CSMD1: variants seen among roughly 807,000 people sequenced by gnomAD.
CSMD1 encodes CUB and Sushi multiple domains 1.
In CSMD1, 213 loss-of-function variants were observed where a neutral mutation model predicts 417.5. The observed-to-expected ratio is 0.51, with a 90% CI of 0.46 to 0.57. The LOEUF is 0.57. Ranked by LOEUF, CSMD1 falls within the 20% of genes least tolerant of loss-of-function variation. CSMD1 has a pLI of 0.00. For missense variants in CSMD1, 6,923 were observed against 4,529.7 expected (o/e 1.53, Z -15.17); for synonymous variants, 2,862 against 1,736.8 (o/e 1.65, Z -16.11).
chr8:4,438,323 C>A (rs1235354247), intron 2 of CSMD1, among the ~76,000 whole-genome samples: 1 of 152,146 alleles, frequency 6.6e-6, no homozygotes, highest in Non-Finnish European at 1.5e-5. Flanking sequence ...GAAGCAGCAC[C>A]AAATCTCCAG....
chr8:4,382,685 A>G (rs1261858194), intron 3 of CSMD1, among the ~76,000 whole-genome samples: 1 of 152,178 alleles, frequency 6.6e-6, no homozygotes, highest in Non-Finnish European at 1.5e-5. Flanking sequence ...AATAATGTAA[A>G]TTAAGATACA....
At chr8:4,286,545 G>T (rs1455082764) in intron 3 of CSMD1, among the ~76,000 whole-genome samples, 1 of 152,042 alleles carries the variant, frequency 6.6e-6, no homozygotes, top group Non-Finnish European at 1.5e-5. Context: ...TCATCATTAA[G>T]AACATGGGCA....
intron 41 of CSMD1, chr8:3,127,950 A>AAGAGGGAGGGAG: frequency 1.6e-5 from 2 of 121,614 alleles, no homozygotes; most frequent in Non-Finnish European, 3.4e-5. Context: ...GAAAGAAGGA[A>AAGAGGGAGGGAG]GGAAGGAAAG....
At chr8:4,127,473 A>G (rs1344735073) in intron 3 of CSMD1, among the ~76,000 whole-genome samples, 3 of 149,336 alleles carry the variant, frequency 2.0e-5, no homozygotes, top group East Asian at 2.0e-4. Context: ...AAAAAAAAAA[A>G]AAAAAAGAAA....
chr8:4,419,844 C>T (rs1263366277), intron 3 of CSMD1, 109 bp downstream of exon 3: 8 of 743,528 alleles, frequency 1.1e-5, no homozygotes, highest in Non-Finnish European at 1.8e-5. Context: ...GTCTACACCA[C>T]GGAACGACCT....
intron 6 of CSMD1, among the ~76,000 whole-genome samples, chr8:3,735,996 A>G (rs1052896086): frequency 5.1e-4 from 77 of 152,262 alleles, no homozygotes; most frequent in African/African-American, 1.8e-3. Flanking sequence ...TTCAGTGGGA[A>G]TAAGTGCGGT....
chr8:3,510,199 G>A (rs574644909), intron 10 of CSMD1, among the ~76,000 whole-genome samples: 1 of 149,650 alleles, frequency 6.7e-6, no homozygotes, highest in Non-Finnish European at 1.5e-5. Flanking sequence ...TGTACTGTGG[G>A]GCTGGACATC....
chr8:4,139,985 T>C (rs1803683879), intron 3 of CSMD1, among the ~76,000 whole-genome samples: 1 of 150,422 alleles, frequency 6.6e-6, no homozygotes, highest in African/African-American at 2.5e-5. Context: ...TGGGCAGGGG[T>C]TGCAGGTAGG....
chr8:4,893,651 C>T lies in CSMD1; in HGVS notation c.85+100681G>A, dbSNP rs115254295. ...TTTGCCAATACATTTTATGAGAAGC[C>T]GAACTTCTTTTTCCTAACTGGTTCA... On this transcript the variant is annotated intron_variant, in intron 1 of 69. Coordinates refer to ENST00000635120, the MANE Select transcript of CSMD1 (RefSeq NM_033225.6). Among the ~76,000 whole-genome samples, 283 of 152,070 alleles carry T rather than the reference C, an allele frequency of 1.9e-3. 3 individuals carry two copies. Among genetic ancestry groups the T allele is most frequent in the African/African-American group, 6.6e-3 (274 of 41,436 alleles).
At chr8:3,748,456 G>C (rs759455547) in intron 6 of CSMD1, among the ~76,000 whole-genome samples, 4 of 152,168 alleles carry the variant, frequency 2.6e-5, no homozygotes, top group East Asian at 3.9e-4. Flanking sequence ...CAGAGCAGTG[G>C]TCCGTGGAAC....
chr8:4,787,322 A>G lies in CSMD1; in HGVS notation c.86-149764T>C, dbSNP rs1046115879. 8.3e-6 allele frequency: 6 copies of G among 722,114 alleles called. No individual in the cohort carries two copies. In the African/African-American group the frequency reaches 8.8e-5, roughly 11 times the overall value. The allele number at this position is 722,114 out of a possible 1,614,324, so 44.7% of individuals were successfully genotyped here. A position where few individuals can be genotyped will look rare whatever the true frequency, so the allele number is the denominator to read the frequency against. ...CCGGCGCGGTCGCAGCCCTCAGCCC[A>G]CTCAGGATAATGGCGACAGCTGAGG... is the stretch of plus-strand genomic sequence containing the variant. On this transcript the variant is annotated intron_variant, in intron 1 of 69. Coordinates refer to ENST00000635120, the MANE Select transcript of CSMD1 (RefSeq NM_033225.6).
intron 5 of CSMD1, among the ~76,000 whole-genome samples, chr8:3,764,882 G>C (rs1166019734): frequency 6.6e-6 from 1 of 151,790 alleles, no homozygotes; most frequent in Non-Finnish European, 1.5e-5. Flanking sequence ...AAGTAGTTGG[G>C]ATTAAGGTGA....
chr8:3,457,776 C>T (rs879565551), intron 12 of CSMD1, among the ~76,000 whole-genome samples: 2 of 152,008 alleles, frequency 1.3e-5, no homozygotes, highest in African/African-American at 2.4e-5. Flanking sequence ...CAACAAATTC[C>T]AATTGAAAGG....
intron 68 of CSMD1, among the ~76,000 whole-genome samples, chr8:2,944,128 GCCCCAC>G (rs1038311064): frequency 3.5e-4 from 53 of 152,210 alleles, no homozygotes; most frequent in Admixed American, 2.3e-3. Flanking sequence ...TTTGAGATCT[GCCCCAC>G]CATCACGCAA....
intron 11 of CSMD1, among the ~76,000 whole-genome samples, chr8:3,481,343 C>G (rs772865719): frequency 1.1e-4 from 16 of 151,950 alleles, no homozygotes; most frequent in Non-Finnish European, 2.2e-4. Flanking sequence ...ACCATGAGTT[C>G]CATAAATCTT....
At chr8:3,828,755 C>A (rs1032168830) in intron 5 of CSMD1, among the ~76,000 whole-genome samples, 1 of 152,152 alleles carries the variant, frequency 6.6e-6, no homozygotes, top group Non-Finnish European at 1.5e-5. Flanking sequence ...TACTAAACAT[C>A]AGTGAGGTCC....
chr8:3,296,654 C>T (rs1463043819), intron 25 of CSMD1, among the ~76,000 whole-genome samples: 4 of 151,988 alleles, frequency 2.6e-5, no homozygotes, highest in South Asian at 4.2e-4. Context: ...TATGGAGGTA[C>T]CCAGGCACTG....
At chr8:3,911,424 A>G (rs1391284026) in intron 5 of CSMD1, among the ~76,000 whole-genome samples, 1 of 151,644 alleles carries the variant, frequency 6.6e-6, no homozygotes, top group Non-Finnish European at 1.5e-5. Context: ...GTTACTCGGG[A>G]GGCTGAGGCA....
At chr8:3,983,797 T>G (rs192579916) in intron 5 of CSMD1, among the ~76,000 whole-genome samples, 2 of 152,066 alleles carry the variant, frequency 1.3e-5, no homozygotes. Context: ...GCAGTTCTGA[T>G]GGGGCTGTCA....
Sources: allele counts gnomAD v4.1 joint callset (sites outside exome capture counted in the v4.1 genomes callset), GRCh38; gene constraint gnomAD v4.1.1; transcripts MANE v1.5; gene names NCBI Gene and HGNC (gene_info 2026-07-23, HGNC 2026-07-21).